The following CAAP1 variants were observed in gnomAD, a reference collection of about 807,000 sequenced individuals.
CAAP1 encodes conserved anti-apoptotic protein.
Under a neutral mutation model 34.0 loss-of-function variants are expected in CAAP1, and 20 were observed. The observed-to-expected ratio is 0.59, with a 90% CI of 0.41 to 0.86. The LOEUF is 0.86. CAAP1 is among the 40% of genes least tolerant of loss of function. The pLI, the probability that CAAP1 is intolerant of heterozygous loss-of-function variation, is 0.00. For synonymous variants in CAAP1, 213 were observed against 166.7 expected (o/e 1.28, Z -2.14); for missense variants, 538 against 450.5 (o/e 1.19, Z -1.76).
In CAAP1 at chr9:26,841,620, T is replaced by C. The variant is rs1167231544; in HGVS notation, c.*681A>G. On this transcript the variant is annotated 3_prime_UTR_variant, in exon 6 of 6. Transcript: ENST00000333916. Reference sequence around the variant, plus strand: ...GGAATGTAAATGAAAACTTGTTCCATTTTTATTAAAGAAAAAACCTAGAAT... The same window carrying C: ...GGAATGTAAATGAAAACTTGTTCCACTTTTATTAAAGAAAAAACCTAGAAT... 2 of 152,610 alleles carry C rather than the reference T, an allele frequency of 1.3e-5. No homozygotes were observed. Among genetic ancestry groups the C allele is most frequent in the African/African-American group, 2.4e-5 (1 of 41,470 alleles). The allele number at this position is 152,610 out of a possible 1,614,324, so 9.5% of individuals were successfully genotyped here. A position where few individuals can be genotyped will look rare whatever the true frequency, so the allele number is the denominator to read the frequency against.
chr9:26,892,517 C>T lies in CAAP1; in HGVS notation c.199G>A (p.Gly67Ser). 6.4e-7 allele frequency: 1 copy of T among 1,571,538 alleles called. No individual in the cohort carries two copies. The highest frequency in any genetic ancestry group is 8.6e-7 in the Non-Finnish European group (1 of 1,158,524). Residue 67 changes from glycine (G) to serine (S), a missense_variant, in exon 1 of 6, where the codon GGT (glycine) becomes AGT (serine). Gly to Ser is a moderately conservative substitution (Grantham distance 56, BLOSUM62 0). Coordinates refer to ENST00000333916, the MANE Select transcript of CAAP1 (RefSeq NM_024828.4). ...NANFSGSVTGGGSGGSCWGGS... is the reference protein window; with the variant it reads ...NANFSGSVTGSGSGGSCWGGS... ...CCCCAACAGCTGCCGCCGCTCCCAC[C>T]GCCGGTGACACTTCCACTAAAATTG... is the stretch of plus-strand genomic sequence containing the variant.
At chr9:26,886,395 C>T (rs7857990) in intron 2 of CAAP1, among the ~76,000 whole-genome samples, 13,953 of 152,104 alleles carry the variant, frequency 0.092, 1,495 homozygotes, top group East Asian at 0.57. Context: ...GAAGGGAATG[C>T]ATAAACTTGT....
intron 5 of CAAP1, among the ~76,000 whole-genome samples, chr9:26,848,928 A>C (rs62544400): frequency 0.04 from 6,165 of 152,236 alleles, 177 homozygotes; most frequent in Middle Eastern, 0.068. Context: ...TGTTCTGAAA[A>C]ATTATTCCAT....
At chr9:26,884,724 G>C in intron 4 of CAAP1, 86 bp downstream of exon 4, 2 of 959,644 alleles carry the variant, frequency 2.1e-6, no homozygotes, top group Non-Finnish European at 3.3e-6. Context: ...ATAAAACACA[G>C]AAAAACAATC....
rs60488707 is a variant in CAAP1, at chr9:26,847,503, C to T, written c.740-4856G>A. Among the ~76,000 whole-genome samples the T allele has an allele frequency of 9.9e-3, 1,499 of 151,884 alleles. 19 individuals carry two copies. The highest frequency in any genetic ancestry group is 0.034 in the African/African-American group (1,407 of 41,442). ...TGCTGGGATTACAGGAGTGAGCCAC[C>T]GTGCCCGGCCAAAAGCACTATTTTT... On this transcript the variant is annotated intron_variant, in intron 5 of 5. Coordinates refer to ENST00000333916, the MANE Select transcript of CAAP1 (RefSeq NM_024828.4).
chr9:26,876,878 G>A (rs1018127546), intron 4 of CAAP1, among the ~76,000 whole-genome samples: 5 of 152,292 alleles, frequency 3.3e-5, no homozygotes, highest in Non-Finnish European at 5.9e-5. Flanking sequence ...AATTGGCTGG[G>A]TGCAGTGGCT....
intron 5 of CAAP1, among the ~76,000 whole-genome samples, chr9:26,858,577 CT>C (rs1428796391): frequency 6.6e-6 from 1 of 152,096 alleles, no homozygotes; most frequent in African/African-American, 2.4e-5. Flanking sequence ...AATCCCAGCA[CT>C]TTGGGAGGCT....
At chr9:26,875,321 G>A (rs1355311805) in intron 4 of CAAP1, among the ~76,000 whole-genome samples, 1 of 152,102 alleles carries the variant, frequency 6.6e-6, no homozygotes, top group Non-Finnish European at 1.5e-5. Flanking sequence ...GGGAGGTGGA[G>A]GCTGCAATGA....
At chr9:26,865,259 T>G (rs1007732599) in intron 4 of CAAP1, among the ~76,000 whole-genome samples, 2 of 152,210 alleles carry the variant, frequency 1.3e-5, no homozygotes, top group African/African-American at 4.8e-5. Context: ...GGGCAGTGGC[T>G]CATGCCTGTA....
intron 5 of CAAP1, among the ~76,000 whole-genome samples, chr9:26,856,982 T>G (rs563603407): frequency 5.8e-4 from 88 of 152,312 alleles, no homozygotes; most frequent in African/African-American, 2.1e-3. Context: ...AGCAACAATT[T>G]AAATACAGAC....
At chr9:26,869,787 A>G (rs1443563880) in intron 4 of CAAP1, 5 of 209,458 alleles carry the variant, frequency 2.4e-5, no homozygotes, top group Admixed American at 2.0e-4. Context: ...TTAACAACCA[A>G]TTTAGGACAC....
At chr9:26,880,375 T>G (rs567859539) in intron 4 of CAAP1, 2 of 271,240 alleles carry the variant, frequency 7.4e-6, no homozygotes, top group Admixed American at 8.6e-5. Context: ...AGAAGTTCAG[T>G]GGACTTCCAG....
At position 26,860,702 on chromosome 9, in the gene CAAP1, G is replaced by A. The variant is rs371313343; in HGVS notation, c.739+364C>T. On this transcript the variant is annotated intron_variant, in intron 5 of 5. Transcript: ENST00000333916. ...AGCTACTTGGGAGGCTGAGGCAGGA[G>A]AATGGCGTGAACCGGGAGGCTGAGC... Among the ~76,000 whole-genome samples the A allele has an allele frequency of 6.0e-5, 9 of 151,112 alleles. No homozygotes were observed. The East Asian group carries it at 1.4e-3, about 23-fold the overall frequency.
intron 5 of CAAP1, among the ~76,000 whole-genome samples, chr9:26,845,125 T>C (rs1822568949): frequency 6.6e-6 from 1 of 152,232 alleles, no homozygotes; most frequent in Non-Finnish European, 1.5e-5. Flanking sequence ...TTTTCTTCAT[T>C]GCACCTGACA....
At chr9:26,892,380 C>G in intron 1 of CAAP1, 33 bp downstream of exon 1, 1 of 1,600,568 alleles carries the variant, frequency 6.2e-7, no homozygotes, top group Non-Finnish European at 8.5e-7. Flanking sequence ...AAAGCAGCAG[C>G]TCCAGGAAGC....
At chr9:26,848,706 T>G (rs1233518688) in intron 5 of CAAP1, among the ~76,000 whole-genome samples, 3 of 152,190 alleles carry the variant, frequency 2.0e-5, no homozygotes, top group Non-Finnish European at 4.4e-5. Flanking sequence ...TAGTTTTTTC[T>G]ATTATGTGGC....
At chr9:26,878,086 T>G (rs1823489305) in intron 4 of CAAP1, among the ~76,000 whole-genome samples, 1 of 152,200 alleles carries the variant, frequency 6.6e-6, no homozygotes, top group South Asian at 2.1e-4. Context: ...GGATCTAATT[T>G]GGGACTTAAT....
intron 5 of CAAP1, among the ~76,000 whole-genome samples, chr9:26,860,002 TA>T (rs1822967818): frequency 6.6e-6 from 1 of 152,188 alleles, no homozygotes; most frequent in African/African-American, 2.4e-5. Context: ...AAATTCTGCC[TA>T]AATAATGACT....
chr9:26,867,850 T>TA (rs989982987), intron 4 of CAAP1, among the ~76,000 whole-genome samples: 1 of 152,144 alleles, frequency 6.6e-6, no homozygotes, highest in South Asian at 2.1e-4. Context: ...GAATTTAAAA[T>TA]AAAAAAAGAG....
Sources: allele counts gnomAD v4.1 joint callset (sites outside exome capture counted in the v4.1 genomes callset), GRCh38; gene constraint gnomAD v4.1.1; transcripts MANE v1.5; gene names NCBI Gene and HGNC (gene_info 2026-07-23, HGNC 2026-07-21).